POLD1: variants seen among roughly 807,000 people sequenced by gnomAD.
POLD1 encodes DNA polymerase delta catalytic subunit.
In POLD1, 79 loss-of-function variants were observed where a neutral mutation model predicts 129.7. That is an observed-to-expected ratio of 0.61 (90% CI 0.51 to 0.73). The LOEUF (loss-of-function observed/expected upper bound fraction) is 0.73. Among genes scored for constraint, POLD1 ranks in the 30% least tolerant of loss-of-function variants. The pLI is 0.00. For synonymous variants in POLD1, 714 were observed against 683.3 expected (o/e 1.04, Z -0.70); for missense variants, 1,338 against 1,595.8 (o/e 0.84, Z 2.75).
intron 1 of POLD1, among the ~76,000 whole-genome samples, chr19:50,396,144 T>G (rs1055432646): frequency 3.3e-5 from 5 of 150,598 alleles, no homozygotes; most frequent in Admixed American, 3.3e-4. Context: ...TAAAGTGCAG[T>G]GGCGCGATCT....
intron 1 of POLD1, among the ~76,000 whole-genome samples, chr19:50,386,179 G>A (rs141031656): frequency 0.014 from 2,193 of 151,556 alleles, 56 homozygotes; most frequent in African/African-American, 0.05. Flanking sequence ...TTGCTCTGTC[G>A]CCCAGGCTGG....
chr19:50,391,374 C>G (rs1411906792), intron 1 of POLD1, among the ~76,000 whole-genome samples: 94 of 150,744 alleles, frequency 6.2e-4, no homozygotes, highest in African/African-American at 1.9e-3. Context: ...TGTAGCGAGC[C>G]GAGATCACGC....
At position 50,414,996 on chromosome 19, in the gene POLD1, TG is replaced by T; in HGVS notation, c.2564+10del. 6.4e-7 allele frequency: 1 copy of T among 1,558,310 alleles called. No individual in the cohort carries two copies. On this transcript the variant is annotated splice_region_variant and intron_variant, in intron 20 of 26. Coordinates refer to ENST00000440232, the MANE Select transcript of POLD1 (RefSeq NM_002691.4). ...CGCCGCCTGCTCATCGACCGGTGTG[TG>T]GGGCCTCCTCCCTCAGACTCAGGGG...
rs747436281 is a variant in POLD1, at chr19:50,409,694, C to T, written c.2154+28C>T. The T allele has an allele frequency of 6.3e-7, 1 of 1,578,224 alleles. No homozygotes were observed. Among genetic ancestry groups the T allele is most frequent in the Non-Finnish European group, 8.6e-7 (1 of 1,159,462 alleles). ...GGGCACTCGGGCCCCTGGAAGGCAA[C>T]TGGGGGCAGGTGGGCCCCCTGTGTA... On this transcript the variant is annotated intron_variant, in intron 17 of 26. Coordinates refer to ENST00000440232, the MANE Select transcript of POLD1 (RefSeq NM_002691.4). The surrounding 1 kb of genome is among the most constrained non-coding windows in gnomAD (Gnocchi z 5.8).
Position 50,417,087 on chromosome 19 carries a change from A to G in POLD1, c.3110A>G (p.Tyr1037Cys), listed in dbSNP as rs2122504166. 6.4e-7 allele frequency: 1 copy of G among 1,558,002 alleles called. No individual in the cohort carries two copies. Among genetic ancestry groups the G allele is most frequent in the Non-Finnish European group, 8.7e-7 (1 of 1,150,402 alleles). The change falls in exon 25 of 27, where the codon TAT (tyrosine) becomes TGT (cysteine). Residue 1037 changes from tyrosine to cysteine, a missense_variant. Coordinates refer to ENST00000440232, the MANE Select transcript of POLD1 (RefSeq NM_002691.4). ...EFCQPRESEL[Y>C]QKEVSHLNAL... ...TGCCAGCCCCGGGAGTCTGAGCTGT[A>G]TCAGAAGGAGGTGAGAGGGCCGGGA...
chr19:50,415,795 C>A lies in POLD1; in HGVS notation c.2789C>A (p.Ala930Asp). ...GTCCCCTACGTGATCATCAGTGCCG[C>A]CAAGGGTGTGGCCGCCTACATGAAG... is the stretch of plus-strand genomic sequence containing the variant. ...DRVPYVIISA[A>D]KGVAAYMKSE... is the part of the protein sequence containing the mutation. The change falls in exon 22 of 27, where the codon GCC becomes GAC. Residue 930 changes from alanine to aspartate, a missense_variant. By Grantham distance (126) the Ala-to-Asp change is moderately radical (BLOSUM62 -2). Around this residue, in one of 3 missense-constraint regions of POLD1, gnomAD observed 286 missense variants for 277.5 expected, o/e 1.03. Transcript: ENST00000440232. 1.9e-6 allele frequency: 3 copies of A among 1,561,868 alleles called. No individual in the cohort carries two copies. The highest frequency in any genetic ancestry group is 2.3e-5 in the East Asian group (1 of 43,196).
chr19:50,404,994 A>G (rs563836421), intron 10 of POLD1, among the ~76,000 whole-genome samples: 95 of 148,850 alleles, frequency 6.4e-4, no homozygotes, highest in Admixed American at 1.9e-3. Flanking sequence ...CGAACTCCCA[A>G]TCTCAGGTGA....
At position 50,401,991 on chromosome 19, in the gene POLD1, C is replaced by A; in HGVS notation, c.464-8C>A. On this transcript the variant is annotated splice_polypyrimidine_tract_variant and splice_region_variant and intron_variant, in intron 4 of 26. Coordinates refer to ENST00000440232, the MANE Select transcript of POLD1 (RefSeq NM_002691.4). Reference sequence around the variant, plus strand: ...CCCCTGCACCTCTGATCATCCCTCCCACACCAGGTTTCGGGCCCGAGCACA... The same window carrying A: ...CCCCTGCACCTCTGATCATCCCTCCAACACCAGGTTTCGGGCCCGAGCACA... 1 of 1,614,152 alleles carries A rather than the reference C, an allele frequency of 6.2e-7. No homozygotes were observed. Among genetic ancestry groups the A allele is most frequent in the Non-Finnish European group, 8.5e-7 (1 of 1,180,006 alleles).
rs1458053307 is a variant in POLD1 at position 50,418,006 on chromosome 19, C to T, written c.*59C>T. 8.2e-6 allele frequency: 9 copies of T among 1,091,130 alleles called. No homozygotes were observed. The highest frequency in any genetic ancestry group is 9.6e-6 in the Non-Finnish European group (7 of 726,036). The allele number at this position is 1,091,130 out of a possible 1,614,324, so 67.6% of individuals were successfully genotyped here. ...CAGGGAGAATTAATAAAGTTCTGGA[C>T]TTTTGCTATATGGTGCTTTGTGGTC... is the stretch of plus-strand genomic sequence containing the variant. On this transcript the variant is annotated 3_prime_UTR_variant, in exon 27 of 27. Transcript: ENST00000440232. The surrounding 1 kb of genome is among the most constrained non-coding windows in gnomAD (Gnocchi z 6.0).
chr19:50,413,658 C>T (rs2122442441), intron 18 of POLD1, 84 bp from the exon 19 acceptor site: 2 of 1,547,156 alleles, frequency 1.3e-6, no homozygotes, highest in Non-Finnish European at 1.8e-6. Context: ...GTCCCGTTGG[C>T]ATTAGCCACC....
Position 50,409,032 on chromosome 19 carries a change from G to A in POLD1, c.1893-90G>A, listed in dbSNP as rs557816168. Reference sequence around the variant, plus strand: ...GTGGAGGGGTGCTTGAGGGGCCTGCGTGTGCTCATGGCCAAGGCCAGGACC... The same window carrying A: ...GTGGAGGGGTGCTTGAGGGGCCTGCATGTGCTCATGGCCAAGGCCAGGACC... On this transcript the variant is annotated intron_variant, in intron 15 of 26. Coordinates refer to ENST00000440232, the MANE Select transcript of POLD1 (RefSeq NM_002691.4). The surrounding 1 kb of genome is among the most constrained non-coding windows in gnomAD (Gnocchi z 5.8). The A allele has an allele frequency of 2.6e-5, 34 of 1,317,032 alleles. No individual in the cohort carries two copies. The highest frequency in any genetic ancestry group is 1.2e-4 in the Admixed American group (7 of 57,114). The allele number at this position is 1,317,032 out of a possible 1,614,324, so 81.6% of individuals were successfully genotyped here. A position where few individuals can be genotyped will look rare whatever the true frequency, so the allele number is the denominator to read the frequency against.
chr19:50,389,562 T>G (rs1481065457), intron 1 of POLD1, among the ~76,000 whole-genome samples: 1 of 152,094 alleles, frequency 6.6e-6, no homozygotes, highest in Non-Finnish European at 1.5e-5. Flanking sequence ...CCCTGTAATA[T>G]TCTTCAAGGC....
At chr19:50,399,086 A>G in intron 2 of POLD1, 33 bp downstream of exon 2, 1 of 1,550,420 alleles carries the variant, frequency 6.4e-7, no homozygotes, top group East Asian at 2.4e-5. Flanking sequence ...CCTGCTGCCC[A>G]ACCCATTGCC....
Position 50,402,728 on chromosome 19 carries a change from C to T in POLD1, c.957C>T (p.Cys319=), listed in dbSNP as rs377300843. Residue 319 remains cysteine, a synonymous_variant, in exon 8 of 27, where the codon TGC becomes TGT. Coordinates refer to ENST00000440232, the MANE Select transcript of POLD1 (RefSeq NM_002691.4). ...PLRVLSFDIE[C]AGRKGIFPEP... is the part of the protein sequence containing the mutation. The stretch of plus-strand genomic sequence containing the variant: ...GCGTGCTCAGCTTCGATATCGAGTG[C>T]GCCGGCCGCAAAGGTCTGTCCCCGG... The T allele has an allele frequency of 5.8e-5, 92 of 1,592,456 alleles. No homozygotes were observed. The highest frequency in any genetic ancestry group is 3.8e-4 in the East Asian group (17 of 44,328).
chr19:50,395,239 G>C (rs1294949820), intron 1 of POLD1: 1 of 118,650 alleles, frequency 8.4e-6, no homozygotes, highest in Non-Finnish European at 1.7e-5. Flanking sequence ...CGGTGGCTGG[G>C]TACAGGTACT....
chr19:50,393,435 C>G (rs1163400194), intron 1 of POLD1, among the ~76,000 whole-genome samples: 1 of 152,134 alleles, frequency 6.6e-6, no homozygotes, highest in Non-Finnish European at 1.5e-5. Context: ...TTTGGGGAGG[C>G]CAAGGCAGGC....
intron 19 of POLD1, 60 bp from the exon 20 acceptor site, chr19:50,414,755 G>T: frequency 7.5e-7 from 1 of 1,335,450 alleles, no homozygotes; most frequent in Non-Finnish European, 1.0e-6. Flanking sequence ...TCTGGGGGGC[G>T]TCTCCAGATT....
intron 26 of POLD1, 99 bp from the exon 27 acceptor site, chr19:50,417,743 C>T: frequency 2.0e-6 from 1 of 498,398 alleles, no homozygotes; most frequent in Non-Finnish European, 3.8e-6. Flanking sequence ...GGCTGGGCAG[C>T]AGGCGGGGAC....
intron 1 of POLD1, among the ~76,000 whole-genome samples, chr19:50,386,139 C>CT (rs923132704): frequency 4.7e-4 from 69 of 145,288 alleles, no homozygotes; most frequent in South Asian, 1.1e-3. Context: ...ACTCACATGT[C>CT]TTTTTTTTTT....
Sources: gnomAD v4.1 joint callset for allele counts (sites outside exome capture counted in the v4.1 genomes callset) on GRCh38, gnomAD v4.1.1 for gene constraint, gnomAD v4.1.1 regional missense constraint, Gnocchi (gnomAD v3.1) non-coding constraint, MANE v1.5 for transcripts, NCBI Gene and HGNC (gene_info 2026-07-23, HGNC 2026-07-21) for gene names.